Variants in NUDCD3 observed in about 807,000 individuals in gnomAD.
The protein encoded by NUDCD3 is nudC domain-containing protein 3.
In NUDCD3, 13 loss-of-function variants were observed where a neutral mutation model predicts 39.7. The ratio of observed to expected loss-of-function variants is 0.33; its 90% CI spans 0.21 to 0.52. The LOEUF (loss-of-function observed/expected upper bound fraction) is 0.52, where lower values mean the gene tolerates loss of function less well. NUDCD3 is among the 20% of genes least tolerant of loss of function. The pLI, the probability that NUDCD3 is intolerant of heterozygous loss-of-function variation, is 0.96. For synonymous variants in NUDCD3, 175 were observed against 172.4 expected, an observed-to-expected ratio of 1.02 and a Z score of -0.12; for missense variants, 453 against 458.1, an observed-to-expected ratio of 0.99 and a Z score of 0.10.
In NUDCD3 at chr7:44,404,589, G is replaced by A; in HGVS notation, c.643-6C>T. On this transcript the variant is annotated splice_region_variant and splice_polypyrimidine_tract_variant and intron_variant, in intron 3 of 5. Transcript: ENST00000355451. ...CTGCTAAGGGCCACTGAGACCTGGGGACACAGCAGAAGAAAATCATCTCTC... is the reference window on the plus strand; with the variant it reads ...CTGCTAAGGGCCACTGAGACCTGGGAACACAGCAGAAGAAAATCATCTCTC... 6.2e-7 allele frequency: 1 copy of A among 1,613,016 alleles called. No homozygotes were observed. Among genetic ancestry groups the A allele is most frequent in the East Asian group, 2.2e-5 (1 of 44,872 alleles).
At chr7:44,421,290 C>T (rs1244052444) in intron 3 of NUDCD3, among the ~76,000 whole-genome samples, 3 of 147,896 alleles carry the variant, frequency 2.0e-5, no homozygotes, top group Non-Finnish European at 4.4e-5. Flanking sequence ...GCCAAGATTG[C>T]GCCACTGACT....
At chr7:44,490,214 T>C in intron 1 of NUDCD3, 195 bp downstream of exon 1, 1 of 580,152 alleles carries the variant, frequency 1.7e-6, no homozygotes, top group Non-Finnish European at 2.9e-6. Context: ...CCTCAGGACG[T>C]CCGGAGCGAA....
At chr7:44,455,690 A>G (rs11767568) in intron 2 of NUDCD3, among the ~76,000 whole-genome samples, 20,573 of 152,214 alleles carry the variant, frequency 0.14, 1,720 homozygotes, top group Non-Finnish European at 0.19. Context: ...AAGAGCACAT[A>G]AGAGCATGTG....
chr7:44,423,170 C>G (rs1292670319), intron 3 of NUDCD3, among the ~76,000 whole-genome samples: 2 of 152,106 alleles, frequency 1.3e-5, no homozygotes, highest in Non-Finnish European at 2.9e-5. Context: ...TTATGATAAA[C>G]CCATAGCCAA....
At chr7:44,465,556 A>G (rs142352583) in intron 2 of NUDCD3, among the ~76,000 whole-genome samples, 3 of 152,386 alleles carry the variant, frequency 2.0e-5, no homozygotes, top group African/African-American at 7.2e-5. Context: ...CTGTGAACCT[A>G]AAGTCAGTCT....
intron 2 of NUDCD3, among the ~76,000 whole-genome samples, chr7:44,472,812 G>T (rs946690519): frequency 3.3e-5 from 5 of 152,156 alleles, no homozygotes; most frequent in African/African-American, 1.2e-4. Flanking sequence ...AAGGAGTTAG[G>T]GACTCTGGCT....
chr7:44,417,038 T>C (rs1799039919), intron 3 of NUDCD3, among the ~76,000 whole-genome samples: 1 of 152,224 alleles, frequency 6.6e-6, no homozygotes, highest in African/African-American at 2.4e-5. Flanking sequence ...TGCCTCCATC[T>C]TGCTCATTTA....
intron 2 of NUDCD3, among the ~76,000 whole-genome samples, chr7:44,469,213 G>A (rs1800201779): frequency 6.7e-6 from 1 of 149,470 alleles, no homozygotes; most frequent in African/African-American, 2.5e-5. Context: ...ATGAGGAAGT[G>A]ACTTTGAAAC....
At chr7:44,422,767 TC>T (rs2116895615) in intron 3 of NUDCD3, among the ~76,000 whole-genome samples, 1 of 152,130 alleles carries the variant, frequency 6.6e-6, no homozygotes, top group Non-Finnish European at 1.5e-5. Context: ...GAAGACAGAC[TC>T]CTCCCTACCT....
In NUDCD3 at chr7:44,392,388, G is replaced by A; in HGVS notation, c.884C>T (p.Ala295Val). 1 of 1,614,162 alleles carries A rather than the reference G, an allele frequency of 6.2e-7. No homozygotes were observed. The highest frequency in any genetic ancestry group is 8.5e-7 in the Non-Finnish European group (1 of 1,180,008). ...IDKINKERSMATVDEEEQAVL... is the reference protein window; with the variant it reads ...IDKINKERSMVTVDEEEQAVL... ...CGCCTGTTCCTCCTCATCCACGGTG[G>A]CCATGGAGCGCTCCTTGTTGATCTT... The change falls in exon 5 of 6, where the codon GCC becomes GTC. Residue 295 changes from alanine to valine, a missense_variant. By Grantham distance (64) the Ala-to-Val change is moderately conservative (BLOSUM62 0). Coordinates refer to ENST00000355451, the MANE Select transcript of NUDCD3 (RefSeq NM_015332.4).
At chr7:44,409,927 CT>C (rs1489606919) in intron 3 of NUDCD3, among the ~76,000 whole-genome samples, 1 of 151,976 alleles carries the variant, frequency 6.6e-6, no homozygotes, top group Non-Finnish European at 1.5e-5. Flanking sequence ...CTCAAAACCA[CT>C]TTTTAGCATT....
At chr7:44,443,824 C>T (rs981245224) in intron 2 of NUDCD3, among the ~76,000 whole-genome samples, 25 of 152,162 alleles carry the variant, frequency 1.6e-4, no homozygotes, top group African/African-American at 6.0e-4. Flanking sequence ...AGAGACCCCA[C>T]CTCAGCTCAA....
intron 2 of NUDCD3, among the ~76,000 whole-genome samples, chr7:44,439,566 C>A (rs1252796839): frequency 6.6e-6 from 1 of 150,644 alleles, no homozygotes; most frequent in Non-Finnish European, 1.5e-5. Flanking sequence ...CCCAGAGAAT[C>A]CTGTAGTGCC....
intron 3 of NUDCD3, among the ~76,000 whole-genome samples, chr7:44,418,543 G>T (rs1456484697): frequency 6.6e-6 from 1 of 152,218 alleles, no homozygotes; most frequent in Admixed American, 6.5e-5. Flanking sequence ...TGACACTGTG[G>T]ATTTTCCAAG....
At chr7:44,409,969 G>C (rs1798892511) in intron 3 of NUDCD3, among the ~76,000 whole-genome samples, 1 of 151,906 alleles carries the variant, frequency 6.6e-6, no homozygotes, top group South Asian at 2.1e-4. Flanking sequence ...CTTGAAGACA[G>C]GTCAATTGAG....
intron 3 of NUDCD3, among the ~76,000 whole-genome samples, chr7:44,413,582 C>T (rs1798969082): frequency 6.6e-6 from 1 of 152,192 alleles, no homozygotes; most frequent in South Asian, 2.1e-4. Flanking sequence ...AAGAGAAATA[C>T]AAATTCATAC....
chr7:44,439,402 C>G (rs1014505703), intron 2 of NUDCD3, among the ~76,000 whole-genome samples: 2 of 152,114 alleles, frequency 1.3e-5, no homozygotes, highest in African/African-American at 4.8e-5. Context: ...CTGGCTTGGT[C>G]TGCTGACAGG....
chr7:44,449,852 T>TA (rs58410314), intron 2 of NUDCD3, among the ~76,000 whole-genome samples: 1,964 of 100,848 alleles, frequency 0.019, 13 homozygotes, highest in South Asian at 0.045. Context: ...ACATGATCCA[T>TA]AAAAAAAAAA....
Position 44,464,889 on chromosome 7 carries a change from T to C in NUDCD3, c.509+20079A>G, listed in dbSNP as rs934416443. 2.6e-5 allele frequency among the ~76,000 whole-genome samples: 4 copies of C among 152,204 alleles called. No individual in the cohort carries two copies. The East Asian group carries it at 7.7e-4, about 29-fold the overall frequency. ...GGCATTTAGTACAGAATCTCAACCC[T>C]CTTTTCCTTATTCTAAATTCCCTCC... On this transcript the variant is annotated intron_variant, in intron 2 of 5. Coordinates refer to ENST00000355451, the MANE Select transcript of NUDCD3 (RefSeq NM_015332.4).
Sources: gnomAD v4.1 joint callset for allele counts (sites outside exome capture counted in the v4.1 genomes callset) on GRCh38, gnomAD v4.1.1 for gene constraint, MANE v1.5 for transcripts, NCBI Gene and HGNC (gene_info 2026-07-23, HGNC 2026-07-21) for gene names.